Variants in TASP1 observed in about 807,000 individuals in gnomAD.
TASP1 encodes the protein taspase 1.
In TASP1, 16 loss-of-function variants were observed where a neutral mutation model predicts 56.6. The observed-to-expected ratio is 0.28, with a 90% confidence interval of 0.19 to 0.43. The LOEUF (loss-of-function observed/expected upper bound fraction) is 0.43, where lower values mean the gene tolerates loss of function less well. Among genes scored for constraint, TASP1 ranks in the 20% least tolerant of loss-of-function variants. The pLI, the probability that TASP1 is intolerant of heterozygous loss-of-function variation, is 1.00. For synonymous variants in TASP1, 179 were observed against 184.2 expected (o/e 0.97, Z 0.23); for missense variants, 393 against 511.6 (o/e 0.77, Z 2.24).
the TASP1 span, chr20:13,221,934 G>C: frequency 3.0e-6 from 4 of 1,320,618 alleles, no homozygotes; most frequent in African/African-American, 3.1e-5. Flanking sequence ...CCGCCGGAGA[G>C]GGCCGTGCGC....
At chr20:13,501,817 T>C (rs566703401) in intron 10 of TASP1, among the ~76,000 whole-genome samples, 1 of 151,946 alleles carries the variant, frequency 6.6e-6, no homozygotes, top group Admixed American at 6.6e-5. Flanking sequence ...AGGCTAAAAG[T>C]AAAACAGATA....
At chr20:13,610,083 C>T (rs1490443609) in intron 4 of TASP1, among the ~76,000 whole-genome samples, 1 of 152,130 alleles carries the variant, frequency 6.6e-6, no homozygotes, top group African/African-American at 2.4e-5. Context: ...GGACAGAAAG[C>T]AGATGGGTGG....
chr20:13,530,198 G>A (rs996494547), intron 9 of TASP1, among the ~76,000 whole-genome samples: 1 of 152,130 alleles, frequency 6.6e-6, no homozygotes, highest in Non-Finnish European at 1.5e-5. Flanking sequence ...AACCAGAGAC[G>A]GAAGTCTCCC....
At chr20:13,400,919 A>T (rs1233291617) in intron 13 of TASP1, among the ~76,000 whole-genome samples, 4 of 152,200 alleles carry the variant, frequency 2.6e-5, no homozygotes, top group Non-Finnish European at 5.9e-5. Flanking sequence ...AAAAACATAA[A>T]CTATATTATT....
intron 4 of TASP1, among the ~76,000 whole-genome samples, chr20:13,615,694 G>A (rs548916847): frequency 1.2e-4 from 18 of 151,822 alleles, no homozygotes; most frequent in Middle Eastern, 6.8e-3. Flanking sequence ...TAGTAGAGAC[G>A]GGGTTTCACC....
At chr20:13,348,954 G>T in the TASP1 span, among the ~76,000 whole-genome samples, 1 of 152,172 alleles carries the variant, frequency 6.6e-6, no homozygotes, top group Non-Finnish European at 1.5e-5. Flanking sequence ...CAACATGCTG[G>T]TATTTTTGAC....
At chr20:13,580,799 G>A (rs915752212) in intron 6 of TASP1, 98 bp downstream of exon 6, 36 of 1,169,174 alleles carry the variant, frequency 3.1e-5, no homozygotes, top group East Asian at 1.2e-4. Context: ...TGTCTTCTTC[G>A]CAAAGGCATG....
chr20:13,169,041 A>G, the TASP1 span: 1 of 152,094 alleles, frequency 6.6e-6, no homozygotes, highest in African/African-American at 2.4e-5. Flanking sequence ...GAAACGACCA[A>G]TTTCACTTTA....
At chr20:13,119,699 T>G in the TASP1 span, among the ~76,000 whole-genome samples, 1 of 152,152 alleles carries the variant, frequency 6.6e-6, no homozygotes, top group Non-Finnish European at 1.5e-5. Context: ...AATTTACCAC[T>G]AGATGGCAGC....
chr20:13,245,507 T>C, the TASP1 span: 1 of 152,224 alleles, frequency 6.6e-6, no homozygotes, highest in Non-Finnish European at 1.5e-5. Context: ...AGGGAGGGGA[T>C]TGCACAAGGC....
chr20:13,318,265 C>T, the TASP1 span, among the ~76,000 whole-genome samples: 2 of 151,996 alleles, frequency 1.3e-5, no homozygotes, highest in Non-Finnish European at 2.9e-5. Context: ...CAGGGAAATG[C>T]AAATTAACAC....
In TASP1 at chr20:13,438,938, T is replaced by C. The variant is rs554100253; in HGVS notation, c.986-3784A>G. Among the ~76,000 whole-genome samples, 6 of 152,244 alleles carry C rather than the reference T, an allele frequency of 3.9e-5. No individual in the cohort carries two copies. In the East Asian group the frequency reaches 1.2e-3, roughly 29 times the overall value. Reference sequence around the variant, plus strand: ...CATCACTGGCCATTAGAGAAATGCATATCAAAACCACAATGAGACACCATC... The same window carrying C: ...CATCACTGGCCATTAGAGAAATGCACATCAAAACCACAATGAGACACCATC... On this transcript the variant is annotated intron_variant, in intron 11 of 13. Coordinates refer to ENST00000337743, the MANE Select transcript of TASP1 (RefSeq NM_017714.3).
chr20:13,603,804 C>T (rs1568638725), intron 4 of TASP1, among the ~76,000 whole-genome samples: 2 of 152,192 alleles, frequency 1.3e-5, no homozygotes, highest in Non-Finnish European at 2.9e-5. Context: ...CCCTGAACTA[C>T]TTTTCAACTG....
At chr20:13,463,994 C>A (rs930045219) in intron 11 of TASP1, among the ~76,000 whole-genome samples, 1 of 152,130 alleles carries the variant, frequency 6.6e-6, no homozygotes, top group East Asian at 1.9e-4. Flanking sequence ...AATTCCATTT[C>A]TGGATATTTA....
chr20:13,291,671 C>A, the TASP1 span, among the ~76,000 whole-genome samples: 7 of 152,160 alleles, frequency 4.6e-5, no homozygotes, highest in Non-Finnish European at 7.4e-5. Flanking sequence ...TTCCTCAGAG[C>A]AAATTATGAG....
intron 6 of TASP1, among the ~76,000 whole-genome samples, 175 bp downstream of exon 6, chr20:13,580,722 A>G (rs967803684): frequency 1.3e-5 from 2 of 152,178 alleles, no homozygotes; most frequent in African/African-American, 4.8e-5. Context: ...GCTTTAATCC[A>G]TAATATTCTT....
the TASP1 span, among the ~76,000 whole-genome samples, chr20:13,250,489 A>G: frequency 8.1e-3 from 1,237 of 152,306 alleles, 16 homozygotes; most frequent in African/African-American, 0.028. Flanking sequence ...GATTGGGCAA[A>G]CCATGGCAAC....
At chr20:13,146,666 G>A in the TASP1 span, among the ~76,000 whole-genome samples, 1 of 152,102 alleles carries the variant, frequency 6.6e-6, no homozygotes, top group Non-Finnish European at 1.5e-5. Context: ...TATATTATTT[G>A]ATATCTGCCT....
intron 11 of TASP1, among the ~76,000 whole-genome samples, chr20:13,457,472 A>T (rs1389769709): frequency 6.6e-6 from 1 of 152,126 alleles, no homozygotes; most frequent in Non-Finnish European, 1.5e-5. Context: ...ATAAAACCAC[A>T]AAACTTTATT....
Sources: gnomAD v4.1 joint callset for allele counts (sites outside exome capture counted in the v4.1 genomes callset) on GRCh38, gnomAD v4.1.1 for gene constraint, MANE v1.5 for transcripts, NCBI Gene and HGNC (gene_info 2026-07-23, HGNC 2026-07-21) for gene names.